POU2F2: variants seen among roughly 807,000 people sequenced by gnomAD.
POU2F2 encodes POU class 2 homeobox 2.
POU2F2 carries 14 observed loss-of-function variants against 63.5 expected under a neutral mutation model. The observed-to-expected ratio is 0.22, with a 90% confidence interval of 0.15 to 0.34. The LOEUF (loss-of-function observed/expected upper bound fraction) is 0.34. POU2F2 is among the 10% of genes least tolerant of loss of function. The probability of loss-of-function intolerance (pLI) is 1.00; values close to 1 mark genes in which losing one functional copy is unlikely to be tolerated. For synonymous variants in POU2F2, 306 were observed against 348.6 expected, an observed-to-expected ratio of 0.88 and a Z score of 1.36; for missense variants, 607 against 815.2, an observed-to-expected ratio of 0.74 and a Z score of 3.11.
chr19:42,093,688 A>G, intron 12 of POU2F2, 141 bp downstream of exon 12: 1 of 784,456 alleles, frequency 1.3e-6, no homozygotes. Flanking sequence ...CCCTCTTCCC[A>G]CTGTCTCTCC....
At chr19:42,159,867 G>C in intron 2 of POU2F2, among the ~76,000 whole-genome samples, 1 of 152,156 alleles carries the variant, frequency 6.6e-6, no homozygotes. Context: ...CCATGCCCAG[G>C]ATCACTCAGC....
intron 5 of POU2F2, among the ~76,000 whole-genome samples, chr19:42,102,190 C>G (rs1375677660): frequency 6.6e-6 from 1 of 152,128 alleles, no homozygotes; most frequent in Non-Finnish European, 1.5e-5. Context: ...GAAGCTACAG[C>G]AATGAGAATG....
intron 2 of POU2F2, among the ~76,000 whole-genome samples, chr19:42,145,454 T>C (rs1298196948): frequency 6.6e-6 from 1 of 152,236 alleles, no homozygotes; most frequent in African/African-American, 2.4e-5. Context: ...CAGAGGAGTT[T>C]AACTTAACGG....
At chr19:42,182,927 G>A (rs143017301) in intron 1 of POU2F2, among the ~76,000 whole-genome samples, 5 of 152,172 alleles carry the variant, frequency 3.3e-5, no homozygotes, top group African/African-American at 7.2e-5. Context: ...GACCACAAGC[G>A]GGGAATCGAA....
At chr19:42,190,033 T>C (rs1051186697) in intron 1 of POU2F2, among the ~76,000 whole-genome samples, 2 of 152,190 alleles carry the variant, frequency 1.3e-5, no homozygotes, top group Non-Finnish European at 2.9e-5. Flanking sequence ...GGTGAGTTTT[T>C]TTCTTTTAGT....
At chr19:42,163,102 T>C (rs913353598) in intron 1 of POU2F2, among the ~76,000 whole-genome samples, 2 of 151,890 alleles carry the variant, frequency 1.3e-5, no homozygotes, top group East Asian at 1.9e-4. Flanking sequence ...CCGAGGGGCA[T>C]GGGACATACA....
intron 1 of POU2F2, among the ~76,000 whole-genome samples, chr19:42,186,962 A>G (rs1294414506): frequency 6.6e-6 from 1 of 152,220 alleles, no homozygotes; most frequent in Non-Finnish European, 1.5e-5. Flanking sequence ...TCCTGGATCC[A>G]GCAAAGAGTT....
rs563714623 is a variant in POU2F2 at position 42,153,724 on chromosome 19, G to A, written c.-9+6608C>T. On this transcript the variant is annotated intron_variant, in intron 2 of 6. Coordinates refer to the POU2F2 transcript ENST00000524801. This position sits in a 1 kb window ranked among gnomAD's most constrained non-coding sequence, Gnocchi z 5.6. Reference sequence around the variant, plus strand: ...TCGAGTGTGTTTCCACAAGTGGGCTGGAGGCTCTGGGTGTGTCCCTGTGTG... The same window carrying A: ...TCGAGTGTGTTTCCACAAGTGGGCTAGAGGCTCTGGGTGTGTCCCTGTGTG... 4.6e-5 allele frequency among the ~76,000 whole-genome samples: 7 copies of A among 152,214 alleles called. No individual in the cohort carries two copies. In the East Asian group the frequency reaches 1.3e-3, roughly 29 times the overall value.
chr19:42,190,442 G>A (rs1285903687), intron 1 of POU2F2, among the ~76,000 whole-genome samples: 1 of 152,014 alleles, frequency 6.6e-6, no homozygotes, highest in Admixed American at 6.6e-5. Flanking sequence ...GAGAGAGGGG[G>A]CTGGCTAAGA....
In POU2F2 at chr19:42,153,883, T is replaced by C. The variant is rs1221339990; in HGVS notation, c.-9+6449A>G. On this transcript the variant is annotated intron_variant, in intron 2 of 6. Transcript: ENST00000524801. This position sits in a 1 kb window ranked among gnomAD's most constrained non-coding sequence, Gnocchi z 5.6. ...CTGGCTAGCCGGTTTTATCACTACA[T>C]CATCTCCAAATCCCAATGTCAGGGC... Among the ~76,000 whole-genome samples the C allele has an allele frequency of 6.6e-6, 1 of 152,008 alleles. No individual in the cohort carries two copies. Among genetic ancestry groups the C allele is most frequent in the Non-Finnish European group, 1.5e-5 (1 of 67,984 alleles).
At chr19:42,158,953 A>G (rs1485725847) in intron 2 of POU2F2, among the ~76,000 whole-genome samples, 2 of 152,172 alleles carry the variant, frequency 1.3e-5, no homozygotes, top group African/African-American at 2.4e-5. Flanking sequence ...GAAATGACAC[A>G]TCCTGGAACA....
intron 5 of POU2F2, among the ~76,000 whole-genome samples, chr19:42,101,533 C>A (rs956929120): frequency 1.3e-5 from 2 of 152,198 alleles, no homozygotes; most frequent in Non-Finnish European, 2.9e-5. Flanking sequence ...CCATCACAGC[C>A]CTCAGAAGGG....
chr19:42,157,432 CCTCT>C (rs1213536655), intron 2 of POU2F2: 2 of 152,290 alleles, frequency 1.3e-5, no homozygotes, highest in African/African-American at 4.8e-5. Flanking sequence ...GGGTCTCCCG[CCTCT>C]CTGCATCTCC....
intron 1 of POU2F2, among the ~76,000 whole-genome samples, chr19:42,174,412 C>T (rs1228997708): frequency 1.3e-5 from 2 of 152,212 alleles, no homozygotes; most frequent in Admixed American, 6.5e-5. Flanking sequence ...GGCCTGCACA[C>T]GCGTGGACGG....
At chr19:42,107,252 G>A (rs1279424411) in intron 5 of POU2F2, among the ~76,000 whole-genome samples, 4 of 152,000 alleles carry the variant, frequency 2.6e-5, no homozygotes, top group African/African-American at 9.7e-5. Flanking sequence ...CTACATGGGA[G>A]GCTGAGGAAG....
intron 5 of POU2F2, among the ~76,000 whole-genome samples, chr19:42,112,295 G>A (rs987088021): frequency 6.6e-5 from 10 of 152,148 alleles, no homozygotes; most frequent in Non-Finnish European, 1.2e-4. Flanking sequence ...CTCAAGTCAC[G>A]AGGTCCAGGT....
chr19:42,180,888 C>T (rs965493756), upstream of POU2F2, among the ~76,000 whole-genome samples: 1 of 149,974 alleles, frequency 6.7e-6, no homozygotes, highest in African/African-American at 2.5e-5. Flanking sequence ...ACCACCACAC[C>T]CATCTATTTT....
At chr19:42,163,669 G>A (rs2034594847) in intron 1 of POU2F2, among the ~76,000 whole-genome samples, 1 of 152,170 alleles carries the variant, frequency 6.6e-6, no homozygotes. Flanking sequence ...GCACCCAAGT[G>A]GTCCCCGGCT....
rs571198591 is a variant in POU2F2 at position 42,157,004 on chromosome 19, C to T, written c.-9+3328G>A. On this transcript the variant is annotated intron_variant, in intron 2 of 6. Transcript: ENST00000524801. ...GGTTACCTCTGTGACCCTGGGACCG[C>T]TCCACATTGAAGGCCGTTGTGTCTT... The T allele has an allele frequency of 2.6e-5, 4 of 152,432 alleles. No individual in the cohort carries two copies. The East Asian group carries it at 5.8e-4, about 22-fold the overall frequency. 9.4% of individuals were successfully genotyped at this position (152,432 alleles called of 1,614,324 possible).
Sources: gnomAD v4.1 joint callset for allele counts (sites outside exome capture counted in the v4.1 genomes callset) on GRCh38, gnomAD v4.1.1 for gene constraint, Gnocchi (gnomAD v3.1) non-coding constraint, MANE v1.5 for transcripts, NCBI Gene and HGNC (gene_info 2026-07-23, HGNC 2026-07-21) for gene names.